Variants in MTR observed in about 807,000 individuals in gnomAD.
MTR encodes the protein 5-methyltetrahydrofolate-homocysteine methyltransferase, also known as methionine synthase.
A neutral mutation model predicts 154.8 loss-of-function variants in MTR; 84 were observed. The observed-to-expected ratio is 0.54, with a 90% CI of 0.45 to 0.65. MTR has a LOEUF of 0.65. MTR is among the 30% of genes least tolerant of loss of function. MTR has a pLI of 0.00. For missense variants in MTR, 1,275 were observed against 1,570.2 expected, an observed-to-expected ratio of 0.81 and a Z score of 3.18; for synonymous variants, 554 against 553.9, an observed-to-expected ratio of 1.00 and a Z score of 0.00.
rs1181613145 is a variant in MTR at position 236,898,942 on chromosome 1, T to C, written c.*1298T>C. 6.6e-6 allele frequency: 1 copy of C among 152,122 alleles called. No individual in the cohort carries two copies. The highest frequency in any genetic ancestry group is 1.9e-4 in the East Asian group (1 of 5,190). 9.4% of individuals were successfully genotyped at this position (152,122 alleles called of 1,614,324 possible). A position where few individuals can be genotyped will look rare whatever the true frequency, so the allele number is the denominator to read the frequency against. ...GGATGATTGCAGTTATTTCAAAAAT[T>C]TGCATGCAAAATATACACTCATCCT... On this transcript the variant is annotated 3_prime_UTR_variant, in exon 33 of 33. Transcript: ENST00000366577.
At chr1:236,877,780 A>G (rs1031558616) in intron 24 of MTR, among the ~76,000 whole-genome samples, 3 of 152,186 alleles carry the variant, frequency 2.0e-5, no homozygotes, top group African/African-American at 4.8e-5. Flanking sequence ...GGATATGCCT[A>G]TGATCATCTT....
chr1:236,848,976 G>T (rs537381186), intron 15 of MTR, among the ~76,000 whole-genome samples: 1 of 152,296 alleles, frequency 6.6e-6, no homozygotes, highest in Non-Finnish European at 1.5e-5. Context: ...ATAGATTGCA[G>T]TAGGGTTGGC....
intron 14 of MTR, among the ~76,000 whole-genome samples, chr1:236,837,955 G>A (rs1334626769): frequency 6.6e-6 from 1 of 150,844 alleles, no homozygotes; most frequent in African/African-American, 2.4e-5. Flanking sequence ...CTCTTTTTTT[G>A]TTTTTTTTCA....
intron 28 of MTR, 94 bp downstream of exon 28, chr1:236,889,430 G>C (rs758080079): frequency 2.2e-5 from 34 of 1,536,682 alleles, no homozygotes; most frequent in Admixed American, 3.4e-5. Context: ...AGTGGATTTG[G>C]ATTGTGCAGA....
chr1:236,810,407 A>G, intron 4 of MTR, 96 bp from the exon 5 acceptor site: 1 of 987,182 alleles, frequency 1.0e-6, no homozygotes, highest in Non-Finnish European at 1.6e-6. Context: ...AAGATTATAG[A>G]CCTGTGTTCC....
chr1:236,848,719 G>A (rs1410606354), intron 15 of MTR, among the ~76,000 whole-genome samples: 1 of 152,090 alleles, frequency 6.6e-6, no homozygotes, highest in Non-Finnish European at 1.5e-5. Flanking sequence ...TGTCTGCTAA[G>A]TCCTGGAGGC....
intron 24 of MTR, among the ~76,000 whole-genome samples, chr1:236,879,628 G>A (rs564401375): frequency 6.6e-6 from 1 of 152,154 alleles, no homozygotes. Context: ...ATTAACCACT[G>A]TAAGGGAGGC....
chr1:236,808,395 A>C (rs1479405877), intron 3 of MTR, among the ~76,000 whole-genome samples: 1 of 151,976 alleles, frequency 6.6e-6, no homozygotes, highest in Non-Finnish European at 1.5e-5. Context: ...TTTTTTCTTA[A>C]TTCTCAGAAT....
intron 16 of MTR, 77 bp downstream of exon 16, chr1:236,850,600 T>G: frequency 7.8e-7 from 1 of 1,285,314 alleles, no homozygotes; most frequent in Non-Finnish European, 1.1e-6. Context: ...AGAACTAACT[T>G]ATATATTTAT....
At chr1:236,830,883 A>G (rs1662572831) in intron 12 of MTR, among the ~76,000 whole-genome samples, 1 of 152,160 alleles carries the variant, frequency 6.6e-6, no homozygotes, top group Non-Finnish European at 1.5e-5. Context: ...GACCCAGTTT[A>G]TAGTCATTAT....
rs781433185 is a variant in MTR at position 236,824,263 on chromosome 1, A to G, written c.865+44A>G. 8 of 1,451,032 alleles carry G rather than the reference A, an allele frequency of 5.5e-6. No individual in the cohort carries two copies. The East Asian group carries it at 6.8e-5, about 12-fold the overall frequency. 89.9% of individuals were successfully genotyped at this position (1,451,032 alleles called of 1,614,324 possible). ...TCACACATGGGGAGATAAAAATAAC[A>G]TAAGACATGGCATAGATGAGGTAAG... is the stretch of plus-strand genomic sequence containing the variant. On this transcript the variant is annotated intron_variant, in intron 9 of 32. Coordinates refer to ENST00000366577, the MANE Select transcript of MTR (RefSeq NM_000254.3).
Position 236,894,375 on chromosome 1 carries a change from A to G in MTR, c.3223A>G (p.Ser1075Gly). Residue 1075 changes from serine (S) to glycine (G), a missense_variant, in exon 30 of 33, where the codon AGC (serine) becomes GGC (glycine). Transcript: ENST00000366577. ...TTTTAAGGCTGAGAAGGACTCTGCC[A>G]GCACGGAGCCATACTACTGCCTCTC... is the stretch of plus-strand genomic sequence containing the variant. ...LRQQAEKDSA[S>G]TEPYYCLSDF... 6.2e-7 allele frequency: 1 copy of G among 1,614,240 alleles called. No homozygotes were observed. The highest frequency in any genetic ancestry group is 8.5e-7 in the Non-Finnish European group (1 of 1,180,034).
At chr1:236,811,938 GAGCATTATC>G (rs1251463420) in intron 5 of MTR, among the ~76,000 whole-genome samples, 1 of 152,214 alleles carries the variant, frequency 6.6e-6, no homozygotes, top group Non-Finnish European at 1.5e-5. Flanking sequence ...TTGGATATCT[GAGCATTATC>G]TTGGCTTACT....
intron 15 of MTR, among the ~76,000 whole-genome samples, chr1:236,843,154 A>G (rs1663364391): frequency 6.6e-6 from 1 of 151,928 alleles, no homozygotes; most frequent in Non-Finnish European, 1.5e-5. Context: ...GGTAAAGGGA[A>G]AAGAGGATTT....
intron 15 of MTR, among the ~76,000 whole-genome samples, chr1:236,845,121 G>A (rs146846182): frequency 3.3e-5 from 5 of 152,150 alleles, no homozygotes; most frequent in Non-Finnish European, 5.9e-5. Context: ...TCTAGGACAT[G>A]GTGGAACCAA....
intron 20 of MTR, 121 bp downstream of exon 20, chr1:236,861,398 G>T: frequency 7.3e-7 from 1 of 1,366,964 alleles, no homozygotes. Context: ...GTATTGGCTA[G>T]TCATTCCTTC....
intron 16 of MTR, among the ~76,000 whole-genome samples, chr1:236,852,091 A>G (rs1407127696): frequency 6.6e-6 from 1 of 152,162 alleles, no homozygotes; most frequent in Non-Finnish European, 1.5e-5. Context: ...CACAAGCCTG[A>G]TGATGCTTGA....
At chr1:236,806,271 C>T (rs766742741) in intron 3 of MTR, 38 bp downstream of exon 3, 69 of 1,532,348 alleles carry the variant, frequency 4.5e-5, no homozygotes, top group East Asian at 2.5e-4. Context: ...AAGATGCTTA[C>T]GAGCGTTTGC....
At chr1:236,825,504 C>T in intron 10 of MTR, 105 bp downstream of exon 10, 2 of 1,159,334 alleles carry the variant, frequency 1.7e-6, no homozygotes, top group East Asian at 2.4e-5. Context: ...TCCCAATGTA[C>T]ATATAACAAA....
Sources: gnomAD v4.1 joint callset for allele counts (sites outside exome capture counted in the v4.1 genomes callset) on GRCh38, gnomAD v4.1.1 for gene constraint, MANE v1.5 for transcripts, NCBI Gene and HGNC (gene_info 2026-07-23, HGNC 2026-07-21) for gene names.